Variants in CRAMP1 observed in about 807,000 individuals in gnomAD.
CRAMP1 encodes protein cramped-like.
Under a neutral mutation model 115.4 loss-of-function variants are expected in CRAMP1, and 50 were observed. The ratio of observed to expected loss-of-function variants is 0.43; its 90% confidence interval spans 0.35 to 0.55. The LOEUF (loss-of-function observed/expected upper bound fraction) is 0.55. Among genes scored for constraint, CRAMP1 ranks in the 20% least tolerant of loss-of-function variants. CRAMP1 has a pLI of 0.01. For synonymous variants in CRAMP1, 866 were observed against 745.4 expected (o/e 1.16, Z -2.64); for missense variants, 1,679 against 1,721.7 (o/e 0.98, Z 0.44).
intron 2 of CRAMP1, among the ~76,000 whole-genome samples, chr16:1,622,842 A>G (rs2036477229): frequency 6.6e-6 from 1 of 150,518 alleles, no homozygotes; most frequent in Admixed American, 6.6e-5. Flanking sequence ...GCTCACTGCA[A>G]CCTCTGCCTC....
intron 2 of CRAMP1, among the ~76,000 whole-genome samples, chr16:1,622,445 G>A (rs1201278999): frequency 6.6e-6 from 1 of 152,232 alleles, no homozygotes; most frequent in East Asian, 1.9e-4. Context: ...GGGAGGCAGA[G>A]CTTGCAGTAA....
chr16:1,645,490 G>A (rs1596489786), intron 6 of CRAMP1: 1 of 161,784 alleles, frequency 6.2e-6, no homozygotes, highest in South Asian at 1.4e-4. Context: ...TTGCATTCGC[G>A]TGGTCCTTTT....
At chr16:1,618,004 C>A (rs1397119959) in intron 2 of CRAMP1, among the ~76,000 whole-genome samples, 2 of 152,206 alleles carry the variant, frequency 1.3e-5, no homozygotes, top group African/African-American at 4.8e-5. Flanking sequence ...GACATTCCTG[C>A]AGCTCTAATA....
At chr16:1,643,158 T>A (rs186032168) in intron 6 of CRAMP1, among the ~76,000 whole-genome samples, 3 of 151,810 alleles carry the variant, frequency 2.0e-5, no homozygotes, top group Admixed American at 2.0e-4. Flanking sequence ...CGTGATAGAG[T>A]GTAGTCTCCC....
chr16:1,622,917 A>C (rs1465573741), intron 2 of CRAMP1, among the ~76,000 whole-genome samples: 1 of 152,076 alleles, frequency 6.6e-6, no homozygotes, highest in African/African-American at 2.4e-5. Context: ...GCACGCCACC[A>C]CATGGGGCTA....
At chr16:1,653,567 C>T (rs1403421045) in intron 8 of CRAMP1, among the ~76,000 whole-genome samples, 1 of 152,212 alleles carries the variant, frequency 6.6e-6, no homozygotes, top group Non-Finnish European at 1.5e-5. Flanking sequence ...CAGAGGCTCA[C>T]GCCTATAATC....
At chr16:1,613,851 A>G (rs1596479017) in intron 1 of CRAMP1, among the ~76,000 whole-genome samples, 1 of 152,198 alleles carries the variant, frequency 6.6e-6, no homozygotes, top group African/African-American at 2.4e-5. Flanking sequence ...ATTTTTAACT[A>G]GTAAATCCCC....
At position 1,612,609 on chromosome 16, in the gene CRAMP1, C is replaced by A. The variant is rs957179206; in HGVS notation, c.-50C>A. 6.6e-6 allele frequency among the ~76,000 whole-genome samples: 1 copy of A among 151,890 alleles called. No homozygotes were observed. The highest frequency in any genetic ancestry group is 1.5e-5 in the Non-Finnish European group (1 of 67,928). ...CCGGCCCGGCTGGTTCTGCGGGCACCCGGGGAGGCCCCGGGAAGCCAGGCT... is the reference window on the plus strand; with the variant it reads ...CCGGCCCGGCTGGTTCTGCGGGCACACGGGGAGGCCCCGGGAAGCCAGGCT... On this transcript the variant is annotated 5_prime_UTR_variant, in exon 1 of 21. Transcript: ENST00000397412.
chr16:1,665,267 A>G (rs2036864716), intron 14 of CRAMP1, 129 bp downstream of exon 14: 2 of 704,304 alleles, frequency 2.8e-6, no homozygotes, highest in East Asian at 5.4e-5. Flanking sequence ...CTACCGACAA[A>G]TACCTAATGT....
Position 1,676,826 on chromosome 16 carries a change from T to A in CRAMP1, c.*2781T>A, listed in dbSNP as rs998295788. 4 of 152,310 alleles carry A rather than the reference T, an allele frequency of 2.6e-5. No homozygotes were observed. Among genetic ancestry groups the A allele is most frequent in the African/African-American group, 9.6e-5 (4 of 41,470 alleles). The allele number at this position is 152,310 out of a possible 1,614,324, so 9.4% of individuals were successfully genotyped here. Reference sequence around the variant, plus strand: ...CTAGTTCGTGGCTTCCTGGCTGTTTTGTCCTTCTGTGTCTTGTAGCTGTAG... The same window carrying A: ...CTAGTTCGTGGCTTCCTGGCTGTTTAGTCCTTCTGTGTCTTGTAGCTGTAG... On this transcript the variant is annotated 3_prime_UTR_variant, in exon 21 of 21. Coordinates refer to ENST00000397412, the MANE Select transcript of CRAMP1 (RefSeq NM_020825.4).
chr16:1,664,330 C>T (rs958565965), intron 13 of CRAMP1, among the ~76,000 whole-genome samples: 2 of 152,182 alleles, frequency 1.3e-5, no homozygotes, highest in African/African-American at 4.8e-5. Context: ...CCTTTGGTGC[C>T]TGTGTGTTAC....
chr16:1,653,105 A>ACAAC lies in CRAMP1; in HGVS notation c.989_992dup (p.His331GlnfsTer41). The ACAAC allele has an allele frequency of 6.2e-7, 1 of 1,612,412 alleles. No individual in the cohort carries two copies. The highest frequency in any genetic ancestry group is 1.3e-5 in the African/African-American group (1 of 75,030). On this transcript the variant is annotated frameshift_variant, in exon 8 of 21. Transcript: ENST00000397412. LOFTEE classifies it high-confidence loss of function. ...GTCCCTATAGAGCTACAGCCGCGGA[A>ACAAC]CAACCACGCCTGGGCCCGTGTGCAG...
chr16:1,660,182 C>A, intron 11 of CRAMP1, 119 bp downstream of exon 11: 1 of 805,794 alleles, frequency 1.2e-6, no homozygotes, highest in Non-Finnish European at 1.9e-6. Context: ...CACTGGCCAG[C>A]TCGCCACTAT....
At chr16:1,655,134 C>T (rs1437691610) in intron 8 of CRAMP1, 85 bp from the exon 9 acceptor site, 1 of 1,217,266 alleles carries the variant, frequency 8.2e-7, no homozygotes, top group African/African-American at 1.5e-5. Flanking sequence ...TTGGCACCCT[C>T]CTGCTGTAAG....
chr16:1,640,268 G>A (rs988667187), intron 5 of CRAMP1, among the ~76,000 whole-genome samples: 3 of 152,168 alleles, frequency 2.0e-5, no homozygotes, highest in South Asian at 2.1e-4. Flanking sequence ...TGTATTTGCC[G>A]GATAGAGAAT....
chr16:1,674,427 G>C lies in CRAMP1; in HGVS notation c.*382G>C. Reference sequence around the variant, plus strand: ...GCCTTGGTGTAGTTGCTGTGCACTAGGAGCTGTGATCTCCCTCTCTGCAGG... The same window carrying C: ...GCCTTGGTGTAGTTGCTGTGCACTACGAGCTGTGATCTCCCTCTCTGCAGG... On this transcript the variant is annotated 3_prime_UTR_variant, in exon 21 of 21. Coordinates refer to ENST00000397412, the MANE Select transcript of CRAMP1 (RefSeq NM_020825.4). The C allele has an allele frequency of 4.4e-6, 1 of 229,800 alleles. No homozygotes were observed. The allele number at this position is 229,800 out of a possible 1,614,324, so 14.2% of individuals were successfully genotyped here.
chr16:1,630,801 T>C (rs549041978), intron 3 of CRAMP1, among the ~76,000 whole-genome samples: 1 of 152,350 alleles, frequency 6.6e-6, no homozygotes, highest in South Asian at 2.1e-4. Context: ...ATGTCCCTTG[T>C]GTCAGTTTGG....
At chr16:1,640,033 A>G (rs1467187916) in intron 5 of CRAMP1, among the ~76,000 whole-genome samples, 2 of 152,090 alleles carry the variant, frequency 1.3e-5, no homozygotes, top group African/African-American at 2.4e-5. Context: ...GTGGCATGCC[A>G]TGCCTGGCCG....
Position 1,673,956 on chromosome 16 carries a change from C to T in CRAMP1, c.3721C>T (p.Gln1241Ter). Residue 1241 changes from glutamine (Q) to a stop codon, truncating the protein, a stop_gained, in exon 21 of 21, where the codon CAA becomes TAA. Coordinates refer to ENST00000397412, the MANE Select transcript of CRAMP1 (RefSeq NM_020825.4). LOFTEE classifies it high-confidence loss of function. ...CATTTCTCGGTTCAATGACCTGGCC[C>T]AAGAGCTGTCCATCGCTGAGCCTGG... ...DYISRFNDLA[Q>*]ELSIAEPGRR... 1 of 1,613,566 alleles carries T rather than the reference C, an allele frequency of 6.2e-7. No homozygotes were observed. The highest frequency in any genetic ancestry group is 1.1e-5 in the South Asian group (1 of 91,038).
Sources: allele counts gnomAD v4.1 joint callset (sites outside exome capture counted in the v4.1 genomes callset), GRCh38; gene constraint gnomAD v4.1.1; transcripts MANE v1.5; gene names NCBI Gene and HGNC (gene_info 2026-07-23, HGNC 2026-07-21).